Variants in ZNF804A observed in about 807,000 individuals in gnomAD.
ZNF804A encodes zinc finger protein 804A.
A neutral mutation model predicts 16.5 loss-of-function variants in ZNF804A; 2 were observed. The observed-to-expected ratio is 0.12, with a 90% CI of 0.05 to 0.38. ZNF804A has a LOEUF of 0.38. Among genes scored for constraint, ZNF804A ranks in the 10% least tolerant of loss-of-function variants. The pLI, the probability that ZNF804A is intolerant of heterozygous loss-of-function variation, is 0.99. For missense variants in ZNF804A, 1,473 were observed against 1,390.7 expected (o/e 1.06, Z -0.94); for synonymous variants, 534 against 489.6 (o/e 1.09, Z -1.20).
chr2:184,932,463 C>G (rs1685717250), intron 2 of ZNF804A, among the ~76,000 whole-genome samples: 1 of 152,084 alleles, frequency 6.6e-6, no homozygotes, highest in Non-Finnish European at 1.5e-5. Flanking sequence ...CTTTATAAAA[C>G]CATCAGATCT....
At chr2:184,718,955 C>G (rs952351655) in intron 1 of ZNF804A, among the ~76,000 whole-genome samples, 1 of 152,106 alleles carries the variant, frequency 6.6e-6, no homozygotes, top group Admixed American at 6.6e-5. Flanking sequence ...GGCTCTGACC[C>G]CACATTACCT....
chr2:184,854,664 C>CT (rs1695660241), intron 1 of ZNF804A, among the ~76,000 whole-genome samples: 1 of 151,976 alleles, frequency 6.6e-6, no homozygotes, highest in Non-Finnish European at 1.5e-5. Context: ...GGAATGACCT[C>CT]TTTATAAAAC....
At chr2:184,609,396 C>A (rs533873418) in intron 1 of ZNF804A, among the ~76,000 whole-genome samples, 1 of 152,150 alleles carries the variant, frequency 6.6e-6, no homozygotes, top group Non-Finnish European at 1.5e-5. Context: ...GACAGAGAGG[C>A]GTGATTACTG....
At chr2:184,837,497 G>A (rs948430573) in intron 1 of ZNF804A, among the ~76,000 whole-genome samples, 3 of 151,770 alleles carry the variant, frequency 2.0e-5, no homozygotes, top group Admixed American at 6.6e-5. Context: ...ATAATACCTC[G>A]ATATTTTAAA....
chr2:184,789,844 T>C (rs1305508536), intron 1 of ZNF804A, among the ~76,000 whole-genome samples: 1 of 152,024 alleles, frequency 6.6e-6, no homozygotes, highest in Non-Finnish European at 1.5e-5. Flanking sequence ...TCTGACCTTT[T>C]TTTATTTCTT....
chr2:184,691,632 C>T (rs145077259), intron 1 of ZNF804A, among the ~76,000 whole-genome samples: 26 of 151,704 alleles, frequency 1.7e-4, no homozygotes, highest in Middle Eastern at 6.9e-3. Flanking sequence ...TTTGGATATA[C>T]TGTTAATATA....
intron 1 of ZNF804A, among the ~76,000 whole-genome samples, chr2:184,752,493 G>A (rs939814732): frequency 6.6e-6 from 1 of 151,282 alleles, no homozygotes; most frequent in Non-Finnish European, 1.5e-5. Context: ...GGGGATAGGA[G>A]GAGGGTGAGG....
intron 1 of ZNF804A, among the ~76,000 whole-genome samples, chr2:184,717,385 C>G (rs1412617836): frequency 6.6e-6 from 1 of 152,060 alleles, no homozygotes; most frequent in Non-Finnish European, 1.5e-5. Context: ...GTAACTCTGT[C>G]CTGCTGTTCC....
At chr2:184,728,310 T>TTA (rs1693450297) in intron 1 of ZNF804A, among the ~76,000 whole-genome samples, 2 of 151,852 alleles carry the variant, frequency 1.3e-5, no homozygotes, top group Non-Finnish European at 3.0e-5. Context: ...TTTCTCAATG[T>TTA]TATGGGATGA....
intron 1 of ZNF804A, among the ~76,000 whole-genome samples, chr2:184,709,771 G>T (rs1395270475): frequency 6.7e-6 from 1 of 149,998 alleles, no homozygotes; most frequent in Non-Finnish European, 1.5e-5. Context: ...CTAGTGTACT[G>T]CTTTCCTTCT....
At chr2:184,618,674 T>G (rs1194469769) in intron 1 of ZNF804A, among the ~76,000 whole-genome samples, 1 of 152,024 alleles carries the variant, frequency 6.6e-6, no homozygotes, top group Non-Finnish European at 1.5e-5. Flanking sequence ...CTTTTAAAAA[T>G]TCCTAGTTCT....
intron 1 of ZNF804A, among the ~76,000 whole-genome samples, chr2:184,638,609 T>C (rs1181464161): frequency 6.6e-6 from 1 of 152,226 alleles, no homozygotes; most frequent in Non-Finnish European, 1.5e-5. Flanking sequence ...TACATTTGGC[T>C]GCAATGTATA....
At chr2:184,723,896 CATAG>C (rs930322553) in intron 1 of ZNF804A, among the ~76,000 whole-genome samples, 14 of 151,730 alleles carry the variant, frequency 9.2e-5, no homozygotes, top group Non-Finnish European at 1.5e-4. Context: ...AGGACAGATA[CATAG>C]ATGGATGGAT....
At chr2:184,805,714 C>T (rs1412265742) in intron 1 of ZNF804A, among the ~76,000 whole-genome samples, 2 of 151,950 alleles carry the variant, frequency 1.3e-5, no homozygotes, top group Non-Finnish European at 2.9e-5. Context: ...AACTAGAAGC[C>T]ATTAGCAATT....
intron 1 of ZNF804A, among the ~76,000 whole-genome samples, chr2:184,705,097 G>A (rs1308496306): frequency 6.6e-6 from 1 of 152,186 alleles, no homozygotes. Context: ...CAGAGCCTAA[G>A]CAGAGATGAG....
At chr2:184,782,127 T>C (rs1365248210) in intron 1 of ZNF804A, among the ~76,000 whole-genome samples, 2 of 151,800 alleles carry the variant, frequency 1.3e-5, no homozygotes, top group African/African-American at 2.4e-5. Context: ...TATCTTCAAA[T>C]ACAGTCACAT....
chr2:184,708,305 A>G (rs1054676094), intron 1 of ZNF804A, among the ~76,000 whole-genome samples: 2 of 151,914 alleles, frequency 1.3e-5, no homozygotes, highest in Non-Finnish European at 2.9e-5. Context: ...TGTTGCCATT[A>G]CTTTTTAGGA....
At chr2:184,829,824 G>A (rs1695229889) in intron 1 of ZNF804A, among the ~76,000 whole-genome samples, 1 of 145,878 alleles carries the variant, frequency 6.9e-6, no homozygotes, top group African/African-American at 2.6e-5. Context: ...CATTTTGGAA[G>A]GCCAAGACTG....
At chr2:184,904,019 A>G (rs1009573673) in intron 2 of ZNF804A, among the ~76,000 whole-genome samples, 5 of 152,130 alleles carry the variant, frequency 3.3e-5, no homozygotes, top group Non-Finnish European at 5.9e-5. Context: ...TTTATTCAGT[A>G]AACTTGCAGG....
Sources: allele counts gnomAD v4.1 joint callset (sites outside exome capture counted in the v4.1 genomes callset), GRCh38; gene constraint gnomAD v4.1.1; transcripts MANE v1.5; gene names NCBI Gene and HGNC (gene_info 2026-07-23, HGNC 2026-07-21).